Variants in PPL observed in about 807,000 individuals in gnomAD.
PPL encodes the protein 190 kDa paraneoplastic pemphigus antigen.
A neutral mutation model predicts 194.4 loss-of-function variants in PPL; 198 were observed. The observed-to-expected ratio is 1.02, with a 90% CI of 0.91 to 1.15. The LOEUF (loss-of-function observed/expected upper bound fraction) is 1.15. Ranked by LOEUF, PPL falls within the 50% of genes most tolerant of loss-of-function variation. The pLI is 0.00. For missense variants in PPL, 2,885 were observed against 2,294.8 expected, an observed-to-expected ratio of 1.26 and a Z score of -5.25; for synonymous variants, 1,220 against 972.4, an observed-to-expected ratio of 1.25 and a Z score of -4.74.
chr16:4,897,178 T>C (rs1381927746), intron 9 of PPL, among the ~76,000 whole-genome samples: 1 of 149,982 alleles, frequency 6.7e-6, no homozygotes, highest in Non-Finnish European at 1.5e-5. Context: ...TTACTGAAAA[T>C]ACAAAAATTA....
intron 1 of PPL, among the ~76,000 whole-genome samples, chr16:4,914,462 C>G (rs1388523954): frequency 6.6e-6 from 1 of 152,166 alleles, no homozygotes; most frequent in Non-Finnish European, 1.5e-5. Flanking sequence ...AGCCAACATG[C>G]TGGGGATCCA....
intron 2 of PPL, among the ~76,000 whole-genome samples, chr16:4,905,428 C>T (rs1409127724): frequency 6.6e-6 from 1 of 152,116 alleles, no homozygotes. Context: ...AAGTGGTTGC[C>T]TGGGGCAGGG....
At chr16:4,917,167 C>CA (rs1568043354) in intron 1 of PPL, among the ~76,000 whole-genome samples, 2 of 151,896 alleles carry the variant, frequency 1.3e-5, no homozygotes, top group African/African-American at 4.8e-5. Flanking sequence ...AACAAAAAAA[C>CA]AAAAAAATCT....
At position 4,936,986 on chromosome 16, in the gene PPL, C is replaced by T. The variant is rs766206292; in HGVS notation, c.60G>A (p.Arg20=). The T allele has an allele frequency of 3.8e-6, 6 of 1,589,204 alleles. No homozygotes were observed. The highest frequency in any genetic ancestry group is 5.1e-6 in the Non-Finnish European group (6 of 1,168,496). ...CGGAGCTGTGGGCGCCTCCTCACCTCCGGGTCTGCACAGTGGGGCTGTATT... is the reference window on the plus strand; with the variant it reads ...CGGAGCTGTGGGCGCCTCCTCACCTTCGGGTCTGCACAGTGGGGCTGTATT... ...KGKYSPTVQT[R]SISNKELSEL... The change falls in exon 1 of 22, where the codon CGG becomes CGA. Residue 20 remains arginine (R), a splice_region_variant and synonymous_variant. Coordinates refer to ENST00000345988, the MANE Select transcript of PPL (RefSeq NM_002705.5).
rs761809662 is a variant in PPL at position 4,885,478 on chromosome 16, T to C, written c.3177A>G (p.Lys1059=). The C allele has an allele frequency of 6.2e-7, 1 of 1,611,632 alleles. No individual in the cohort carries two copies. The highest frequency in any genetic ancestry group is 2.2e-5 in the East Asian group (1 of 44,802). ...QEKVTEKEVV[K]LQNDPQLEAE... The stretch of plus-strand genomic sequence containing the variant: ...CCTCCAGCTGGGGGTCATTCTGCAG[T>C]TTCACCACCTCTTTCTCTGTGACCT... The change falls in exon 22 of 22, where the codon AAA becomes AAG. Residue 1059 remains lysine, a synonymous_variant. Coordinates refer to ENST00000345988, the MANE Select transcript of PPL (RefSeq NM_002705.5). This position sits in a 1 kb window ranked among gnomAD's most constrained non-coding sequence, Gnocchi z 6.3.
chr16:4,883,332 G>T lies in PPL; in HGVS notation c.*52C>A. ...AGGACGACACCAAGGAGGTCACTGC[G>T]TCGTAGGAGAGGGCCAGCGTCTGCC... On this transcript the variant is annotated 3_prime_UTR_variant, in exon 22 of 22. Coordinates refer to ENST00000345988, the MANE Select transcript of PPL (RefSeq NM_002705.5). The surrounding 1 kb of genome is among the most constrained non-coding windows in gnomAD (Gnocchi z 4.8). 3.1e-6 allele frequency: 5 copies of T among 1,607,314 alleles called. No individual in the cohort carries two copies. Among genetic ancestry groups the T allele is most frequent in the Non-Finnish European group, 4.2e-6 (5 of 1,179,260 alleles).
At chr16:4,887,065 C>A in intron 21 of PPL, 70 bp downstream of exon 21, 1 of 1,296,646 alleles carries the variant, frequency 7.7e-7, no homozygotes, top group South Asian at 1.2e-5. Context: ...AACCATTTCT[C>A]TAAGACAGAG....
chr16:4,895,216 C>T, intron 11 of PPL, 45 bp downstream of exon 11: 3 of 1,540,950 alleles, frequency 1.9e-6, no homozygotes, highest in Middle Eastern at 1.7e-4. Context: ...CATGTTACCC[C>T]AAAAACTTTG....
chr16:4,893,480 C>G, intron 13 of PPL, 61 bp downstream of exon 13: 3 of 1,599,734 alleles, frequency 1.9e-6, no homozygotes, highest in South Asian at 1.1e-5. Context: ...AGCACAGACC[C>G]TGGTCCAGCC....
chr16:4,922,301 G>A (rs923830529), intron 1 of PPL, among the ~76,000 whole-genome samples: 7 of 152,170 alleles, frequency 4.6e-5, no homozygotes, highest in South Asian at 2.1e-4. Context: ...TGCCTCTGAG[G>A]AGCCCGGCTC....
intron 1 of PPL, among the ~76,000 whole-genome samples, chr16:4,924,213 CTATTT>C (rs1293803886): frequency 3.9e-5 from 6 of 152,142 alleles, no homozygotes; most frequent in East Asian, 3.8e-4. Context: ...GAATTTTTTT[CTATTT>C]TATTTAACCT....
chr16:4,902,411 TCTC>T lies in PPL; in HGVS notation c.430_432del (p.Glu144del). Reference sequence around the variant, plus strand: ...CGGCCCCGTCCAGGCCATACCAGCTTCTCCTCCACCAGTGCCGCCCAGTTGACC... The same window carrying T: ...CGGCCCCGTCCAGGCCATACCAGCTTCTCCACCAGTGCCGCCCAGTTGACC... On this transcript the variant is annotated inframe_deletion, in exon 4 of 22. Coordinates refer to ENST00000345988, the MANE Select transcript of PPL (RefSeq NM_002705.5). The surrounding 1 kb of genome is among the most constrained non-coding windows in gnomAD (Gnocchi z 4.0). The T allele has an allele frequency of 6.2e-7, 1 of 1,613,722 alleles. No individual in the cohort carries two copies. The highest frequency in any genetic ancestry group is 8.5e-7 in the Non-Finnish European group (1 of 1,179,846).
chr16:4,900,243 A>G (rs1268598169), intron 6 of PPL, among the ~76,000 whole-genome samples: 1 of 152,162 alleles, frequency 6.6e-6, no homozygotes, highest in Non-Finnish European at 1.5e-5. Context: ...AAGCTTTTGT[A>G]TAGAAAGCAA....
At chr16:4,887,691 C>A (rs2088241058) in intron 20 of PPL, among the ~76,000 whole-genome samples, 1 of 152,312 alleles carries the variant, frequency 6.6e-6, no homozygotes, top group Non-Finnish European at 1.5e-5. Flanking sequence ...CAGCCTTGAA[C>A]TCCTGGGCCC....
At chr16:4,891,564 C>T in intron 16 of PPL, 1 of 447,818 alleles carries the variant, frequency 2.2e-6, no homozygotes, top group African/African-American at 2.0e-5. Context: ...CAGGCATGTG[C>T]CACTACACTG....
intron 1 of PPL, among the ~76,000 whole-genome samples, chr16:4,935,916 G>A (rs1315639116): frequency 6.6e-6 from 1 of 152,134 alleles, no homozygotes; most frequent in African/African-American, 2.4e-5. Flanking sequence ...GTAATGTGCG[G>A]GCCCCTCACC....
In PPL at chr16:4,937,067, G is replaced by C. The variant is rs1348938657; in HGVS notation, c.-22C>G. ...TCATGGTGGCGCTCGGGGTGCGGGCGGCGGCGGCTGGCGGGCCGGGCGCGC... is the reference window on the plus strand; with the variant it reads ...TCATGGTGGCGCTCGGGGTGCGGGCCGCGGCGGCTGGCGGGCCGGGCGCGC... On this transcript the variant is annotated 5_prime_UTR_variant, in exon 1 of 22. Coordinates refer to ENST00000345988, the MANE Select transcript of PPL (RefSeq NM_002705.5). 1.5e-6 allele frequency: 2 copies of C among 1,356,822 alleles called. No individual in the cohort carries two copies. Among genetic ancestry groups the C allele is most frequent in the Non-Finnish European group, 1.9e-6 (2 of 1,046,730 alleles). 84.0% of individuals were successfully genotyped at this position (1,356,822 alleles called of 1,614,324 possible).
Position 4,904,047 on chromosome 16 carries a change from G to A in PPL, c.163-7C>T. On this transcript the variant is annotated splice_polypyrimidine_tract_variant and splice_region_variant and intron_variant, in intron 2 of 21. Coordinates refer to ENST00000345988, the MANE Select transcript of PPL (RefSeq NM_002705.5). ...CCTGCAGCCGAGCCAGGTCCTGTGA[G>A]GGTCACAAGAGAGGGGACAATGAAC... The A allele has an allele frequency of 6.2e-7, 1 of 1,609,968 alleles. No individual in the cohort carries two copies.
intron 21 of PPL, 55 bp from the exon 22 acceptor site, chr16:4,886,102 G>A (rs1474526800): frequency 6.2e-7 from 1 of 1,608,524 alleles, no homozygotes; most frequent in African/African-American, 1.3e-5. Context: ...GCACATGTAG[G>A]GCCTGTCCCC....
Sources: allele counts gnomAD v4.1 joint callset (sites outside exome capture counted in the v4.1 genomes callset), GRCh38; gene constraint gnomAD v4.1.1; non-coding constraint Gnocchi (gnomAD v3.1); transcripts MANE v1.5; gene names NCBI Gene and HGNC (gene_info 2026-07-23, HGNC 2026-07-21).